The following BABAM2 variants were observed in gnomAD, a reference collection of about 807,000 sequenced individuals.
BABAM2 encodes BRISC and BRCA1 A complex member 2, also known as BRISC and BRCA1-A complex member 2.
Under a neutral mutation model 54.7 loss-of-function variants are expected in BABAM2, and 31 were observed. That is an observed-to-expected ratio of 0.57 (90% confidence interval 0.43 to 0.77). The LOEUF (loss-of-function observed/expected upper bound fraction) is 0.77, where lower values mean the gene tolerates loss of function less well. BABAM2 is among the 30% of genes least tolerant of loss of function. The pLI, the probability that BABAM2 is intolerant of heterozygous loss-of-function variation, is 0.00. For synonymous variants in BABAM2, 167 were observed against 162.9 expected, an observed-to-expected ratio of 1.03 and a Z score of -0.19; for missense variants, 364 against 455.8, an observed-to-expected ratio of 0.80 and a Z score of 1.83.
chr2:28,173,284 AACTG>A (rs1480009791), intron 7 of BABAM2, among the ~76,000 whole-genome samples: 2 of 152,138 alleles, frequency 1.3e-5, no homozygotes. Context: ...TTTTGGCAAA[AACTG>A]ACTAACCACA....
chr2:28,202,168 A>C (rs1351182155), intron 7 of BABAM2, among the ~76,000 whole-genome samples: 1 of 152,190 alleles, frequency 6.6e-6, no homozygotes, highest in Non-Finnish European at 1.5e-5. Context: ...AGAGAGTGAA[A>C]ATAAATCCTA....
chr2:28,164,402 A>G (rs914696446), intron 7 of BABAM2, among the ~76,000 whole-genome samples: 1 of 152,064 alleles, frequency 6.6e-6, no homozygotes, highest in African/African-American at 2.4e-5. Flanking sequence ...CAGTGGAAGC[A>G]TAAATATAAA....
intron 6 of BABAM2, among the ~76,000 whole-genome samples, chr2:28,058,678 G>A (rs6547820): frequency 0.7 from 106,402 of 151,794 alleles, 38,273 homozygotes; most frequent in Middle Eastern, 0.84. Flanking sequence ...CCTTCTAGCC[G>A]GTGCTACCCA....
At chr2:28,217,668 A>AT (rs1057333504) in intron 7 of BABAM2, among the ~76,000 whole-genome samples, 2 of 152,130 alleles carry the variant, frequency 1.3e-5, no homozygotes, top group African/African-American at 4.8e-5. Context: ...CTTCAGCTTA[A>AT]TTTTTTTAAA....
chr2:27,889,819 G>T (rs1664673622), upstream of BABAM2: 2 of 157,738 alleles, frequency 1.3e-5, no homozygotes, highest in African/African-American at 2.4e-5. Flanking sequence ...ACCCAATTTG[G>T]ATAATGTTAC....
chr2:28,061,767 T>G (rs1200797441), intron 6 of BABAM2, among the ~76,000 whole-genome samples: 1 of 151,788 alleles, frequency 6.6e-6, no homozygotes, highest in Admixed American at 6.6e-5. Flanking sequence ...TGATAAAATT[T>G]CAATAACTTT....
chr2:27,985,313 T>C (rs1416406304), intron 3 of BABAM2, among the ~76,000 whole-genome samples: 1 of 152,170 alleles, frequency 6.6e-6, no homozygotes, highest in Non-Finnish European at 1.5e-5. Context: ...CTGTTTTCCA[T>C]AGTGGTTGTA....
rs559829708 is a variant in BABAM2, at chr2:28,084,061, C to T, written c.570+38262C>T. ...TTGTGATGCACAGCAGAGTAAGATGCGCTTGACGGGTAGCGTGGCTGTCTT... is the reference window on the plus strand; with the variant it reads ...TTGTGATGCACAGCAGAGTAAGATGTGCTTGACGGGTAGCGTGGCTGTCTT... On this transcript the variant is annotated intron_variant, in intron 6 of 11. Transcript: ENST00000379624. 2.6e-4 allele frequency among the ~76,000 whole-genome samples: 40 copies of T among 152,278 alleles called. 1 individual carries two copies. In the South Asian group the frequency reaches 7.7e-3, roughly 29 times the overall value.
rs541332735 is a variant in BABAM2 at position 28,042,791 on chromosome 2, G to A, written c.496-2934G>A. Among the ~76,000 whole-genome samples the A allele has an allele frequency of 1.2e-4, 18 of 152,148 alleles. No individual in the cohort carries two copies. The South Asian group carries it at 2.9e-3, about 25-fold the overall frequency. On this transcript the variant is annotated intron_variant, in intron 5 of 11. Transcript: ENST00000379624. The stretch of plus-strand genomic sequence containing the variant: ...TTTTAAAAATGATGTTTATAAGGCC[G>A]AGATGGGCCGATCACGAGGTCAGGA...
At chr2:28,158,012 T>C (rs576345715) in intron 7 of BABAM2, among the ~76,000 whole-genome samples, 89 of 152,332 alleles carry the variant, frequency 5.8e-4, no homozygotes, top group Non-Finnish European at 1.1e-3. Context: ...TATCCAAGCA[T>C]GCAAGCTGAG....
intron 3 of BABAM2, among the ~76,000 whole-genome samples, chr2:27,948,359 A>G (rs1028082734): frequency 6.6e-6 from 1 of 152,070 alleles, no homozygotes; most frequent in Non-Finnish European, 1.5e-5. Context: ...AAGATTTCCT[A>G]CATAGAAAAT....
At chr2:28,238,345 C>T (rs999285675) in intron 8 of BABAM2, among the ~76,000 whole-genome samples, 1 of 152,220 alleles carries the variant, frequency 6.6e-6, no homozygotes, top group African/African-American at 2.4e-5. Flanking sequence ...AATGCTGACT[C>T]TCTTTCTTCT....
chr2:28,128,126 A>C (rs558270797), intron 6 of BABAM2, among the ~76,000 whole-genome samples: 1 of 152,182 alleles, frequency 6.6e-6, no homozygotes, highest in South Asian at 2.1e-4. Flanking sequence ...AATGAGTCTT[A>C]AAGTCTAGGT....
intron 10 of BABAM2, among the ~76,000 whole-genome samples, chr2:28,292,584 A>G (rs1352528821): frequency 6.6e-6 from 1 of 152,212 alleles, no homozygotes; most frequent in African/African-American, 2.4e-5. Context: ...GGGATGATGA[A>G]TCCAGCCACA....
In BABAM2 at chr2:27,928,163, G is replaced by A. The variant is rs186895744; in HGVS notation, c.129-1669G>A. Among the ~76,000 whole-genome samples the A allele has an allele frequency of 2.2e-3, 331 of 152,084 alleles. 1 individual carries two copies. Among genetic ancestry groups the A allele is most frequent in the African/African-American group, 7.5e-3 (313 of 41,472 alleles). Reference sequence around the variant, plus strand: ...AGTGAGTAGCTGAGACTACAGGTGCGTGCCACCATGCCCAGCTAATTTTTG... The same window carrying A: ...AGTGAGTAGCTGAGACTACAGGTGCATGCCACCATGCCCAGCTAATTTTTG... On this transcript the variant is annotated intron_variant, in intron 2 of 11. Transcript: ENST00000379624.
intron 5 of BABAM2, among the ~76,000 whole-genome samples, chr2:28,040,294 C>CTTTTTTTATTTTTTTTTTTTTT (rs1676970242): frequency 1.7e-5 from 1 of 59,470 alleles, no homozygotes; most frequent in African/African-American, 6.7e-5. Context: ...AAACTGAATT[C>CTTTTTTTATTTTTTTTTTTTTT]TTTTTTTTTT....
At chr2:28,260,211 C>G (rs1243042948) in intron 10 of BABAM2, among the ~76,000 whole-genome samples, 1 of 150,988 alleles carries the variant, frequency 6.6e-6, no homozygotes, top group East Asian at 2.0e-4. Context: ...AATTCTTACT[C>G]TGTTCCATTG....
At chr2:28,276,413 G>A (rs1324977134) in intron 10 of BABAM2, among the ~76,000 whole-genome samples, 2 of 152,092 alleles carry the variant, frequency 1.3e-5, no homozygotes, top group East Asian at 3.9e-4. Context: ...TTATAGTTAA[G>A]TAGTGAGGAA....
chr2:28,248,211 T>TTCTTTTTTTTC (rs1553349514), intron 10 of BABAM2, among the ~76,000 whole-genome samples: 1 of 120,052 alleles, frequency 8.3e-6, no homozygotes, highest in East Asian at 2.3e-4. Context: ...CTTTTTCTTT[T>TTCTTTTTTTTC]TTTTTTTTTT....
Sources: gnomAD v4.1 joint callset for allele counts (sites outside exome capture counted in the v4.1 genomes callset) on GRCh38, gnomAD v4.1.1 for gene constraint, MANE v1.5 for transcripts, NCBI Gene and HGNC (gene_info 2026-07-23, HGNC 2026-07-21) for gene names.